The following KCTD1 variants were observed in gnomAD, a reference collection of about 807,000 sequenced individuals.
KCTD1 encodes potassium channel tetramerization domain containing 1, also known as BTB/POZ domain-containing protein KCTD1.
A neutral mutation model predicts 66.0 loss-of-function variants in KCTD1; 24 were observed. The ratio of observed to expected loss-of-function variants is 0.36; its 90% CI spans 0.26 to 0.51. KCTD1 has a LOEUF of 0.51. Ranked by LOEUF, KCTD1 falls within the 20% of genes least tolerant of loss-of-function variation. KCTD1 has a pLI of 0.95. For missense variants in KCTD1, 943 were observed against 1,205.2 expected (o/e 0.78, Z 3.22); for synonymous variants, 511 against 517.2 (o/e 0.99, Z 0.16).
intron 2 of KCTD1, among the ~76,000 whole-genome samples, chr18:26,493,745 A>T (rs1487309177): frequency 1.3e-5 from 2 of 152,202 alleles, no homozygotes; most frequent in Non-Finnish European, 1.5e-5. Flanking sequence ...GTACAATTAA[A>T]TTATTATTGA....
chr18:26,579,989 T>C (rs1986316450), intron 1 of KCTD1, among the ~76,000 whole-genome samples: 1 of 152,194 alleles, frequency 6.6e-6, no homozygotes, highest in Non-Finnish European at 1.5e-5. Context: ...AATGGTAACA[T>C]AGCCCTTGTG....
intron 1 of KCTD1, among the ~76,000 whole-genome samples, chr18:26,512,447 TAA>T (rs34953401): frequency 2.0e-5 from 3 of 146,814 alleles, no homozygotes; most frequent in Non-Finnish European, 3.0e-5. Context: ...GTTTTTGCAT[TAA>T]AAAAAAAAAA....
At chr18:26,565,157 A>G (rs747680020) in intron 1 of KCTD1, among the ~76,000 whole-genome samples, 1 of 152,332 alleles carries the variant, frequency 6.6e-6, no homozygotes, top group East Asian at 1.9e-4. Context: ...GCAGGATGAG[A>G]GTGCTAAGGT....
intron 3 of KCTD1, among the ~76,000 whole-genome samples, chr18:26,465,136 T>A (rs143910509): frequency 6.6e-6 from 1 of 152,220 alleles, no homozygotes; most frequent in East Asian, 1.9e-4. Context: ...CAGGCTGGAG[T>A]GCAATGGCAT....
At chr18:26,598,029 C>G (rs1042989093) in intron 1 of KCTD1, among the ~76,000 whole-genome samples, 2 of 152,154 alleles carry the variant, frequency 1.3e-5, no homozygotes, top group African/African-American at 2.4e-5. Context: ...AAGGCTGATT[C>G]TAAGACACTG....
chr18:26,536,837 T>C (rs1984731766), intron 1 of KCTD1, among the ~76,000 whole-genome samples: 1 of 151,950 alleles, frequency 6.6e-6, no homozygotes, highest in Non-Finnish European at 1.5e-5. Flanking sequence ...TTGGCTCACG[T>C]CCCAAGAGGT....
chr18:26,509,032 T>C (rs1325484924), intron 1 of KCTD1, among the ~76,000 whole-genome samples: 1 of 152,224 alleles, frequency 6.6e-6, no homozygotes, highest in Non-Finnish European at 1.5e-5. Context: ...GGTTTCTTCA[T>C]TCATTCAAGT....
At chr18:26,630,272 C>T (rs1476492723), upstream of KCTD1, among the ~76,000 whole-genome samples, 3 of 152,130 alleles carry the variant, frequency 2.0e-5, no homozygotes, top group East Asian at 5.8e-4. Flanking sequence ...CTTAACAAAG[C>T]AGTAAAAATT....
rs145941396 is a variant in KCTD1 at position 26,598,215 on chromosome 18, C to T, written c.-16+30932G>A. Reference sequence around the variant, plus strand: ...TAGATGGAATCATAGAATATATGACCTTTGTGTTTGGCTTCTTGAAGTTAG... The same window carrying T: ...TAGATGGAATCATAGAATATATGACTTTTGTGTTTGGCTTCTTGAAGTTAG... On this transcript the variant is annotated intron_variant, in intron 1 of 4. Coordinates refer to the KCTD1 transcript ENST00000317932. Among the ~76,000 whole-genome samples the T allele has an allele frequency of 8.8e-3, 1,341 of 152,258 alleles. 24 individuals are homozygous for T. Among genetic ancestry groups the T allele is most frequent in the African/African-American group, 0.031 (1,279 of 41,536 alleles).
chr18:26,643,727 C>G (rs1044415169), upstream of KCTD1, among the ~76,000 whole-genome samples: 2 of 152,192 alleles, frequency 1.3e-5, no homozygotes, highest in African/African-American at 4.8e-5. Context: ...CTTTGGGAGG[C>G]CAAGGCGGGC....
upstream of KCTD1, chr18:26,548,846 A>C: frequency 9.8e-7 from 1 of 1,021,132 alleles, no homozygotes. Context: ...AAAAAAAGGA[A>C]AGGGAGGGAG....
At chr18:26,603,281 A>T (rs1986938543) in intron 1 of KCTD1, among the ~76,000 whole-genome samples, 1 of 151,804 alleles carries the variant, frequency 6.6e-6, no homozygotes, top group Non-Finnish European at 1.5e-5. Flanking sequence ...AATACAAAAA[A>T]ACTAGCCAGA....
intron 2 of KCTD1, among the ~76,000 whole-genome samples, chr18:26,499,884 A>T (rs1347154531): frequency 6.6e-6 from 1 of 152,132 alleles, no homozygotes; most frequent in Non-Finnish European, 1.5e-5. Flanking sequence ...CCAGCAAAAA[A>T]CTTCCCTTAC....
chr18:26,622,067 T>C (rs926284477), intron 1 of KCTD1, among the ~76,000 whole-genome samples: 6 of 152,346 alleles, frequency 3.9e-5, no homozygotes, highest in Admixed American at 6.5e-5. Flanking sequence ...ATTTAACATC[T>C]CTGGGACATA....
At chr18:26,611,397 C>T (rs558830869) in intron 1 of KCTD1, among the ~76,000 whole-genome samples, 2 of 152,184 alleles carry the variant, frequency 1.3e-5, no homozygotes, top group South Asian at 4.2e-4. Context: ...GTCTCCCAGG[C>T]TGGAGTGCAC....
At chr18:26,520,409 C>T (rs990475180) in intron 1 of KCTD1, among the ~76,000 whole-genome samples, 1 of 152,188 alleles carries the variant, frequency 6.6e-6, no homozygotes, top group Admixed American at 6.5e-5. Context: ...GACTCTACAA[C>T]AGAAGACCTC....
At chr18:26,599,066 G>A (rs1247296343) in intron 1 of KCTD1, among the ~76,000 whole-genome samples, 2 of 151,976 alleles carry the variant, frequency 1.3e-5, no homozygotes, top group Non-Finnish European at 2.9e-5. Flanking sequence ...AGATACTATT[G>A]ACAAATCCAA....
chr18:26,642,797 G>A (rs1464490805), upstream of KCTD1, among the ~76,000 whole-genome samples: 1 of 151,686 alleles, frequency 6.6e-6, no homozygotes, highest in Non-Finnish European at 1.5e-5. Context: ...GTTTTGTAAT[G>A]CTGTCCCATT....
intron 1 of KCTD1, among the ~76,000 whole-genome samples, chr18:26,599,083 A>C (rs1986832819): frequency 6.6e-6 from 1 of 152,204 alleles, no homozygotes; most frequent in South Asian, 2.1e-4. Flanking sequence ...CCAAGATCAC[A>C]AAGATTTAGT....
Sources: allele counts gnomAD v4.1 joint callset (sites outside exome capture counted in the v4.1 genomes callset), GRCh38; gene constraint gnomAD v4.1.1; transcripts MANE v1.5; gene names NCBI Gene and HGNC (gene_info 2026-07-23, HGNC 2026-07-21).